Variants in GIGYF2 observed in about 807,000 individuals in gnomAD.
The protein encoded by GIGYF2 is GRB10 interacting GYF protein 2, also known as GRB10-interacting GYF protein 2.
A neutral mutation model predicts 208.1 loss-of-function variants in GIGYF2; 25 were observed. The observed-to-expected ratio is 0.12, with a 90% CI of 0.09 to 0.17. The LOEUF is 0.17. Ranked by LOEUF, GIGYF2 falls within the 10% of genes least tolerant of loss-of-function variation. GIGYF2 has a pLI of 1.00. For synonymous variants in GIGYF2, 534 were observed against 543.8 expected (o/e 0.98, Z 0.25); for missense variants, 1,302 against 1,579.4 (o/e 0.82, Z 2.98).
At chr2:232,794,457 G>A (rs185764359) in intron 12 of GIGYF2, among the ~76,000 whole-genome samples, 1 of 152,280 alleles carries the variant, frequency 6.6e-6, no homozygotes. Flanking sequence ...TAGACTGATT[G>A]TTTCTAAGAG....
At chr2:232,776,245 T>C (rs1453153543) in intron 8 of GIGYF2, among the ~76,000 whole-genome samples, 1 of 152,188 alleles carries the variant, frequency 6.6e-6, no homozygotes, top group Non-Finnish European at 1.5e-5. Flanking sequence ...AAATTTCCAG[T>C]AATACATTCA....
At position 232,839,964 on chromosome 2, in the gene GIGYF2, G is replaced by T. The variant is rs146430802; in HGVS notation, c.2882G>T (p.Arg961Leu). The T allele has an allele frequency of 9.3e-6, 15 of 1,613,960 alleles. No individual in the cohort carries two copies. Among genetic ancestry groups the T allele is most frequent in the Non-Finnish European group, 1.3e-5 (15 of 1,179,918 alleles). The change falls in exon 23 of 29, where the codon CGA becomes CTA. Residue 961 changes from arginine (R) to leucine (L), a missense_variant. By Grantham distance (102) the Arg-to-Leu change is moderately radical. Coordinates refer to ENST00000373563, the MANE Select transcript of GIGYF2 (RefSeq NM_001103146.3). ...GAGGAAGAACGAGAACGGCAGCTTC[G>T]AGAAGAGGTAAAATTTTAAAGTAAA... ...KLEEERERQLREEQRRQQREL... is the reference protein window; with the variant it reads ...KLEEERERQLLEEQRRQQREL...
rs534243276 is a variant in GIGYF2 at position 232,837,827 on chromosome 2, C to T, written c.2767-2022C>T. Among the ~76,000 whole-genome samples, 5 of 152,266 alleles carry T rather than the reference C, an allele frequency of 3.3e-5. No individual in the cohort carries two copies. In the East Asian group the frequency reaches 9.7e-4, roughly 29 times the overall value. On this transcript the variant is annotated intron_variant, in intron 22 of 28. Coordinates refer to ENST00000373563, the MANE Select transcript of GIGYF2 (RefSeq NM_001103146.3). ...TGCCAGGGAGCAGGTCCACGCAGCTCCTCATGCTGTCATTCCGACAGTGAA... is the reference window on the plus strand; with the variant it reads ...TGCCAGGGAGCAGGTCCACGCAGCTTCTCATGCTGTCATTCCGACAGTGAA...
At chr2:232,735,835 CCT>C in intron 3 of GIGYF2, 1 of 985,274 alleles carries the variant, frequency 1.0e-6, no homozygotes, top group Non-Finnish European at 1.2e-6. Context: ...GGCTTCCCCC[CCT>C]CCCCTCCTTC....
At chr2:232,710,251 G>C (rs553374027) in intron 2 of GIGYF2, among the ~76,000 whole-genome samples, 3 of 151,994 alleles carry the variant, frequency 2.0e-5, no homozygotes, top group Non-Finnish European at 4.4e-5. Flanking sequence ...GAGCCACCGC[G>C]CCTGGCCTAA....
chr2:232,851,413 A>ATTTTTTTTTTTTTTTTT (rs5839451), intron 28 of GIGYF2, among the ~76,000 whole-genome samples: 2 of 149,086 alleles, frequency 1.3e-5, no homozygotes, highest in Non-Finnish European at 3.0e-5. Context: ...TGAAACTAAC[A>ATTTTTTTTTTTTTTTTT]TTTTTTTTTT....
intron 21 of GIGYF2, chr2:232,828,560 C>G (rs1431715639): frequency 6.6e-6 from 1 of 152,102 alleles, no homozygotes; most frequent in African/African-American, 2.4e-5. Flanking sequence ...TCAAGCTATT[C>G]TCCCACTTCA....
intron 21 of GIGYF2, 146 bp from the exon 22 acceptor site, chr2:232,832,711 T>C: frequency 1.6e-6 from 1 of 639,326 alleles, no homozygotes. Context: ...AAAGAAAGGT[T>C]ACTTCTACCT....
chr2:232,730,899 A>G (rs1201103718), intron 2 of GIGYF2, among the ~76,000 whole-genome samples: 16 of 79,954 alleles, frequency 2.0e-4, no homozygotes, highest in African/African-American at 8.1e-4. Context: ...CTCCGTCTCA[A>G]AAAAAAAAAA....
At chr2:232,798,585 A>G (rs962776160) in intron 14 of GIGYF2, among the ~76,000 whole-genome samples, 2 of 151,966 alleles carry the variant, frequency 1.3e-5, no homozygotes, top group Admixed American at 6.6e-5. Context: ...TGTTTTTGCT[A>G]TTTTTCTGTT....
chr2:232,822,630 G>T (rs1001103536), intron 21 of GIGYF2, among the ~76,000 whole-genome samples: 1 of 152,002 alleles, frequency 6.6e-6, no homozygotes, highest in African/African-American at 2.4e-5. Context: ...GCAGTGACCC[G>T]AGGCACCCCT....
rs1223926818 is a variant in GIGYF2 at position 232,860,018 on chromosome 2, T to A, written c.*3158T>A. ...CCCTGCAACCCCCTCCCCCCCCGCC[T>A]TGATGAAAGGAGTGACAAGGTCACA... On this transcript the variant is annotated 3_prime_UTR_variant, in exon 29 of 29. Coordinates refer to ENST00000373563, the MANE Select transcript of GIGYF2 (RefSeq NM_001103146.3). 1 of 151,728 alleles carries A rather than the reference T, an allele frequency of 6.6e-6. No homozygotes were observed. Among genetic ancestry groups the A allele is most frequent in the African/African-American group, 2.4e-5 (1 of 41,316 alleles). 9.4% of individuals were successfully genotyped at this position (151,728 alleles called of 1,614,324 possible). A position where few individuals can be genotyped will look rare whatever the true frequency, so the allele number is the denominator to read the frequency against.
chr2:232,795,607 T>G (rs912673061), intron 13 of GIGYF2, among the ~76,000 whole-genome samples: 1 of 152,210 alleles, frequency 6.6e-6, no homozygotes, highest in Non-Finnish European at 1.5e-5. Flanking sequence ...GTTTAAAAAG[T>G]ACTCTTAGCC....
chr2:232,765,240 TA>T (rs1698907520), intron 8 of GIGYF2: 1 of 152,188 alleles, frequency 6.6e-6, no homozygotes, highest in Non-Finnish European at 1.5e-5. Context: ...TGTTCATAAT[TA>T]TATCTTACAC....
intron 5 of GIGYF2, among the ~76,000 whole-genome samples, chr2:232,755,210 G>T (rs1001977349): frequency 1.3e-5 from 2 of 151,962 alleles, no homozygotes; most frequent in Non-Finnish European, 2.9e-5. Flanking sequence ...TTGCTCTGTC[G>T]CCCAGGCTAG....
intron 3 of GIGYF2, among the ~76,000 whole-genome samples, chr2:232,744,550 T>C (rs926801063): frequency 6.6e-6 from 1 of 151,980 alleles, no homozygotes; most frequent in Non-Finnish European, 1.5e-5. Context: ...TTCTTTCTTT[T>C]TTTTTTTGAG....
At chr2:232,706,929 G>A (rs1339043982) in intron 2 of GIGYF2, among the ~76,000 whole-genome samples, 32 of 136,148 alleles carry the variant, frequency 2.4e-4, no homozygotes, top group African/African-American at 8.6e-4. Flanking sequence ...CTGGGTAACA[G>A]AGCAAGACCT....
intron 25 of GIGYF2, among the ~76,000 whole-genome samples, chr2:232,845,133 C>T (rs1701958183): frequency 6.6e-6 from 1 of 152,192 alleles, no homozygotes; most frequent in African/African-American, 2.4e-5. Flanking sequence ...GAGGGAACCT[C>T]TTTGGGCCTC....
chr2:232,858,299 T>C lies in GIGYF2; in HGVS notation c.*1439T>C, dbSNP rs1690647442. On this transcript the variant is annotated 3_prime_UTR_variant, in exon 29 of 29. Coordinates refer to ENST00000373563, the MANE Select transcript of GIGYF2 (RefSeq NM_001103146.3). ...GGCTGGAGTTGCTCTGAGAGCAGTT[T>C]GGGTTTGGAGTATTATATTTGGCTT... The C allele has an allele frequency of 5.6e-6, 2 of 358,810 alleles. No homozygotes were observed. Among genetic ancestry groups the C allele is most frequent in the African/African-American group, 2.2e-5 (1 of 46,454 alleles). The allele number at this position is 358,810 out of a possible 1,614,324, so 22.2% of individuals were successfully genotyped here.
Sources: gnomAD v4.1 joint callset for allele counts (sites outside exome capture counted in the v4.1 genomes callset) on GRCh38, gnomAD v4.1.1 for gene constraint, MANE v1.5 for transcripts, NCBI Gene and HGNC (gene_info 2026-07-23, HGNC 2026-07-21) for gene names.